Variants in ARSJ observed in about 807,000 individuals in gnomAD.
The protein encoded by ARSJ is arylsulfatase family member J.
ARSJ carries 26 observed loss-of-function variants against 35.9 expected under a neutral mutation model. The observed-to-expected ratio is 0.72, with a 90% CI of 0.53 to 1.00. The LOEUF (loss-of-function observed/expected upper bound fraction) is 1.00. ARSJ is among the 50% of genes least tolerant of loss of function. The pLI is 0.00. For missense variants in ARSJ, 667 were observed against 723.6 expected, an observed-to-expected ratio of 0.92 and a Z score of 0.90; for synonymous variants, 294 against 267.6, an observed-to-expected ratio of 1.10 and a Z score of -0.96.
At chr4:113,929,678 G>A (rs923291232) in intron 1 of ARSJ, among the ~76,000 whole-genome samples, 1 of 152,092 alleles carries the variant, frequency 6.6e-6, no homozygotes, top group Admixed American at 6.5e-5. Flanking sequence ...GCTTGTGTCT[G>A]TTTTTCCACA....
intron 1 of ARSJ, among the ~76,000 whole-genome samples, chr4:113,921,969 C>T (rs4441820): frequency 0.56 from 84,839 of 151,940 alleles, 24,067 homozygotes; most frequent in East Asian, 0.8. Context: ...AATCAAATAA[C>T]AGCCATCATG....
At chr4:113,905,688 T>TTTTG (rs1562331365) in intron 1 of ARSJ, among the ~76,000 whole-genome samples, 1 of 142,290 alleles carries the variant, frequency 7.0e-6, no homozygotes, top group African/African-American at 2.7e-5. Context: ...TTTTTTTTTT[T>TTTTG]AGACAGTCTC....
Position 113,900,439 on chromosome 4 carries a change from C to A in ARSJ, c.*1835G>T, listed in dbSNP as rs1594365509. ...AATTAAAATCATTTAAATCATCTTA[C>A]CCAATTTAGTAATTTCAGTACTAGA... is the stretch of plus-strand genomic sequence containing the variant. On this transcript the variant is annotated 3_prime_UTR_variant, in exon 2 of 2. Transcript: ENST00000315366. The A allele has an allele frequency of 6.6e-6, 1 of 152,154 alleles. No individual in the cohort carries two copies. Among genetic ancestry groups the A allele is most frequent in the East Asian group, 1.9e-4 (1 of 5,180 alleles). The allele number at this position is 152,154 out of a possible 1,614,324, so 9.4% of individuals were successfully genotyped here.
chr4:113,905,170 G>T (rs1209641726), intron 1 of ARSJ, among the ~76,000 whole-genome samples: 1 of 152,046 alleles, frequency 6.6e-6, no homozygotes, highest in Non-Finnish European at 1.5e-5. Context: ...TTTAAAAATT[G>T]ATTCTATAGT....
At chr4:113,934,517 A>G (rs529830797) in intron 1 of ARSJ, among the ~76,000 whole-genome samples, 10 of 151,904 alleles carry the variant, frequency 6.6e-5, no homozygotes, top group Non-Finnish European at 1.0e-4. Flanking sequence ...CCACTCATAT[A>G]TGGGAGCTAA....
chr4:113,957,741 T>G lies in ARSJ; in HGVS notation c.398+20696A>C, dbSNP rs538945117. Reference sequence around the variant, plus strand: ...AGTAACATTAACTTGCAAAAAAGACTCCAAATTGCTTATGTAGGAACAAAC... The same window carrying G: ...AGTAACATTAACTTGCAAAAAAGACGCCAAATTGCTTATGTAGGAACAAAC... On this transcript the variant is annotated intron_variant, in intron 1 of 1. Transcript: ENST00000315366. Among the ~76,000 whole-genome samples the G allele has an allele frequency of 7.2e-5, 11 of 152,208 alleles. 1 individual carries two copies. The South Asian group carries it at 2.3e-3, about 32-fold the overall frequency.
chr4:113,912,421 C>A (rs1440968516), intron 1 of ARSJ, among the ~76,000 whole-genome samples: 2 of 151,646 alleles, frequency 1.3e-5, no homozygotes, highest in African/African-American at 2.4e-5. Context: ...GGGAAGAAAC[C>A]AGATTATAGT....
intron 1 of ARSJ, among the ~76,000 whole-genome samples, chr4:113,933,385 AG>A (rs1206717068): frequency 6.6e-6 from 1 of 151,930 alleles, no homozygotes; most frequent in Non-Finnish European, 1.5e-5. Context: ...AAAACCAGAC[AG>A]AGACACAACA....
chr4:113,973,566 C>A (rs1292916418), intron 1 of ARSJ, among the ~76,000 whole-genome samples: 8 of 152,148 alleles, frequency 5.3e-5, no homozygotes, highest in Non-Finnish European at 1.2e-4. Context: ...AAATTTATGA[C>A]CACAAATCTC....
At chr4:113,968,920 A>G (rs2149285073) in intron 1 of ARSJ, among the ~76,000 whole-genome samples, 1 of 152,328 alleles carries the variant, frequency 6.6e-6, no homozygotes, top group African/African-American at 2.4e-5. Context: ...ATGTCTCAAT[A>G]CCTATGAACC....
At chr4:113,958,537 C>A (rs901995118) in intron 1 of ARSJ, among the ~76,000 whole-genome samples, 2 of 151,874 alleles carry the variant, frequency 1.3e-5, no homozygotes, top group Non-Finnish European at 2.9e-5. Context: ...GTCTTTGAAC[C>A]CCTAACTTTG....
At chr4:113,937,201 T>C (rs1724816681) in intron 1 of ARSJ, among the ~76,000 whole-genome samples, 1 of 151,928 alleles carries the variant, frequency 6.6e-6, no homozygotes, top group African/African-American at 2.4e-5. Flanking sequence ...GCTCACACAT[T>C]ATTTAGGTTA....
chr4:113,928,035 G>C (rs1724188482), intron 1 of ARSJ, among the ~76,000 whole-genome samples: 1 of 152,120 alleles, frequency 6.6e-6, no homozygotes, highest in African/African-American at 2.4e-5. Flanking sequence ...CTGGGGAAAT[G>C]ACCACAGAAT....
intron 1 of ARSJ, among the ~76,000 whole-genome samples, chr4:113,939,373 G>A (rs1169647105): frequency 2.7e-5 from 4 of 150,694 alleles, no homozygotes; most frequent in Non-Finnish European, 4.4e-5. Context: ...ATAAACATAC[G>A]TGTGCATGTG....
intron 1 of ARSJ, among the ~76,000 whole-genome samples, chr4:113,949,183 C>A (rs1252885511): frequency 8.3e-6 from 1 of 120,464 alleles, no homozygotes; most frequent in South Asian, 3.0e-4. Context: ...CAGGGGGTTG[C>A]GGGTGGGGTG....
intron 1 of ARSJ, among the ~76,000 whole-genome samples, chr4:113,928,399 G>T (rs1471300260): frequency 6.6e-6 from 1 of 152,152 alleles, no homozygotes; most frequent in Non-Finnish European, 1.5e-5. Flanking sequence ...TCTGGAAATT[G>T]ATTGAGGAGC....
intron 1 of ARSJ, among the ~76,000 whole-genome samples, chr4:113,911,014 G>A (rs1456826753): frequency 6.6e-6 from 1 of 152,150 alleles, no homozygotes. Flanking sequence ...ATGAAAGCAG[G>A]TAGTGCAAGC....
In ARSJ at chr4:113,978,549, A is replaced by C. The variant is rs1462347944; in HGVS notation, c.286T>G (p.Ser96Ala). ...QGFRDVGYHG[S>A]EIKTPTLDKL... Reference sequence around the variant, plus strand: ...TCAAGAGTAGGTGTTTTAATCTCAGATCCGTGGTAACCCACATCTCTAAAT... The same window carrying C: ...TCAAGAGTAGGTGTTTTAATCTCAGCTCCGTGGTAACCCACATCTCTAAAT... The change falls in exon 1 of 2, where the codon TCT becomes GCT. Residue 96 changes from serine (S) to alanine (A), a missense_variant. By Grantham distance (99) the Ser-to-Ala change is moderately conservative. Transcript: ENST00000315366. 7 of 1,614,122 alleles carry C rather than the reference A, an allele frequency of 4.3e-6. No individual in the cohort carries two copies. The highest frequency in any genetic ancestry group is 5.9e-6 in the Non-Finnish European group (7 of 1,180,044).
intron 1 of ARSJ, among the ~76,000 whole-genome samples, chr4:113,912,234 A>G (rs1316590452): frequency 2.6e-5 from 4 of 152,248 alleles, no homozygotes; most frequent in African/African-American, 7.2e-5. Flanking sequence ...AAGAAGCAGC[A>G]TTAAAAGAGT....
Sources: allele counts gnomAD v4.1 joint callset (sites outside exome capture counted in the v4.1 genomes callset), GRCh38; gene constraint gnomAD v4.1.1; transcripts MANE v1.5; gene names NCBI Gene and HGNC (gene_info 2026-07-23, HGNC 2026-07-21).